The following NUDC variants were observed in gnomAD, a reference collection of about 807,000 sequenced individuals.
NUDC encodes nuclear migration protein nudC.
In NUDC, 14 loss-of-function variants were observed where a neutral mutation model predicts 45.0. That is an observed-to-expected ratio of 0.31 (90% CI 0.21 to 0.49). The LOEUF is 0.49. NUDC is among the 20% of genes least tolerant of loss of function. The pLI, the probability that NUDC is intolerant of heterozygous loss-of-function variation, is 0.99. For synonymous variants in NUDC, 153 were observed against 156.7 expected (o/e 0.98, Z 0.17); for missense variants, 323 against 426.2 (o/e 0.76, Z 2.13).
intron 3 of NUDC, chr1:26,911,914 G>T: frequency 6.2e-7 from 1 of 1,614,204 alleles, no homozygotes; most frequent in South Asian, 1.1e-5. Context: ...GGCGAAAGAA[G>T]AGGTCCCCAA....
At chr1:26,932,480 C>T (rs1322865979) in intron 2 of NUDC, among the ~76,000 whole-genome samples, 1 of 151,738 alleles carries the variant, frequency 6.6e-6, no homozygotes, top group Non-Finnish European at 1.5e-5. Context: ...CGCCCGGCCC[C>T]CAGCTAATTT....
chr1:26,942,755 C>T lies in NUDC; in HGVS notation c.525C>T (p.Thr175=). Residue 175 remains threonine, a synonymous_variant, in exon 5 of 9, where the codon ACC becomes ACT. Coordinates refer to ENST00000321265, the MANE Select transcript of NUDC (RefSeq NM_006600.4). ...CAGACCTGCCCAATTACCGCTGGAC[C>T]CAGACCCTGTCGGAGCTGGACGTGA... is the stretch of plus-strand genomic sequence containing the variant. ...NGADLPNYRW[T]QTLSELDLAV... The T allele has an allele frequency of 6.2e-7, 1 of 1,614,210 alleles. No individual in the cohort carries two copies. Among genetic ancestry groups the T allele is most frequent in the Non-Finnish European group, 8.5e-7 (1 of 1,180,034 alleles).
chr1:26,925,870 C>T (rs961017421), intron 2 of NUDC, among the ~76,000 whole-genome samples: 10 of 151,302 alleles, frequency 6.6e-5, no homozygotes, highest in African/African-American at 2.4e-4. Context: ...TACAGGCATG[C>T]ACCACCACGC....
intron 2 of NUDC, among the ~76,000 whole-genome samples, chr1:26,930,044 A>G (rs1379059197): frequency 1.3e-5 from 2 of 152,250 alleles, no homozygotes; most frequent in South Asian, 4.2e-4. Context: ...AACAACAACA[A>G]CAGCCACAAC....
intron 2 of NUDC, among the ~76,000 whole-genome samples, chr1:26,932,110 G>T (rs1239757663): frequency 6.6e-6 from 1 of 151,306 alleles, no homozygotes; most frequent in East Asian, 1.9e-4. Context: ...CAAGGCTCAG[G>T]TGATCCTCCC....
chr1:26,942,785 CAG>C lies in NUDC; in HGVS notation c.546+10_546+11del. On this transcript the variant is annotated intron_variant, in intron 5 of 8. Coordinates refer to ENST00000321265, the MANE Select transcript of NUDC (RefSeq NM_006600.4). ...CCCTGTCGGAGCTGGACGTGAGTGT[CAG>C]GGACCAGAGGTAAAGCTTAGGGGGC... 6.2e-7 allele frequency: 1 copy of C among 1,614,202 alleles called. No homozygotes were observed. Among genetic ancestry groups the C allele is most frequent in the Non-Finnish European group, 8.5e-7 (1 of 1,180,038 alleles).
chr1:26,913,362 C>A (rs368329423), intron 3 of NUDC: 1 of 1,574,516 alleles, frequency 6.4e-7, no homozygotes, highest in Non-Finnish European at 8.7e-7. Flanking sequence ...CCCTGGCTGG[C>A]CCCTGCTTCA....
At chr1:26,929,471 CA>C (rs2124108682) in intron 2 of NUDC, among the ~76,000 whole-genome samples, 1 of 151,486 alleles carries the variant, frequency 6.6e-6, no homozygotes, top group East Asian at 1.9e-4. Context: ...GTAGCAGTTA[CA>C]TTGTATTAGG....
At chr1:26,900,351 C>T (rs1255146118) in exon 1 of NUDC, 4 of 1,613,962 alleles carry the variant, frequency 2.5e-6, no homozygotes, top group African/African-American at 2.7e-5. Flanking sequence ...GCTAAAATAG[C>T]TCCGTAAATG....
intron 3 of NUDC, among the ~76,000 whole-genome samples, chr1:26,916,541 G>A (rs2082062811): frequency 6.6e-6 from 1 of 152,048 alleles, no homozygotes; most frequent in South Asian, 2.1e-4. Flanking sequence ...TTGCTTTCTG[G>A]TATAGCAAGA....
intron 1 of NUDC, chr1:26,900,425 C>T (rs866798317): frequency 1.9e-6 from 3 of 1,609,858 alleles, no homozygotes; most frequent in Middle Eastern, 1.8e-4. Flanking sequence ...CCTCCTCCGC[C>T]TCGCCGGGCA....
At chr1:26,904,498 T>C (rs528296855) in intron 2 of NUDC, among the ~76,000 whole-genome samples, 28 of 152,226 alleles carry the variant, frequency 1.8e-4, no homozygotes, top group African/African-American at 6.5e-4. Flanking sequence ...CAATCATAGC[T>C]CACTGCAGCC....
At chr1:26,944,255 C>T (rs2082301814) in intron 6 of NUDC, among the ~76,000 whole-genome samples, 1 of 152,040 alleles carries the variant, frequency 6.6e-6, no homozygotes, top group African/African-American at 2.4e-5. Context: ...CTCACCCAGG[C>T]TGGAATGCAG....
upstream of NUDC, among the ~76,000 whole-genome samples, chr1:26,917,981 C>G (rs939557880): frequency 6.6e-6 from 1 of 151,780 alleles, no homozygotes; most frequent in Non-Finnish European, 1.5e-5. Flanking sequence ...TGTACACACA[C>G]ACACACACAC....
intron 6 of NUDC, among the ~76,000 whole-genome samples, chr1:26,943,636 G>T (rs968241272): frequency 6.6e-6 from 1 of 152,138 alleles, no homozygotes; most frequent in Non-Finnish European, 1.5e-5. Flanking sequence ...TCAAATACTT[G>T]AACACCTGCT....
At chr1:26,920,967 G>T (rs558640096), upstream of NUDC, among the ~76,000 whole-genome samples, 1 of 151,954 alleles carries the variant, frequency 6.6e-6, no homozygotes. Context: ...ATATTAAAGC[G>T]TGTTTGTAAA....
chr1:26,901,070 TTGG>T (rs371195998), intron 1 of NUDC, among the ~76,000 whole-genome samples: 253 of 152,306 alleles, frequency 1.7e-3, no homozygotes, highest in African/African-American at 5.9e-3. Flanking sequence ...TCATACACTG[TTGG>T]TGGAAATGTA....
chr1:26,935,815 C>A (rs2082224778), intron 2 of NUDC, among the ~76,000 whole-genome samples: 2 of 151,436 alleles, frequency 1.3e-5, no homozygotes, highest in Admixed American at 1.3e-4. Context: ...AATTAAGAGA[C>A]CTCAAACAAA....
At chr1:26,926,072 AAT>A (rs1310019427) in intron 2 of NUDC, among the ~76,000 whole-genome samples, 1 of 150,924 alleles carries the variant, frequency 6.6e-6, no homozygotes, top group African/African-American at 2.4e-5. Flanking sequence ...GCTGGAGTGC[AAT>A]GGTGCGATCT....
Sources: allele counts gnomAD v4.1 joint callset (sites outside exome capture counted in the v4.1 genomes callset), GRCh38; gene constraint gnomAD v4.1.1; transcripts MANE v1.5; gene names NCBI Gene and HGNC (gene_info 2026-07-23, HGNC 2026-07-21).